The following PCOLCE2 variants were observed in gnomAD, a reference collection of about 807,000 sequenced individuals.
PCOLCE2 encodes the protein procollagen C-endopeptidase enhancer 2.
Under a neutral mutation model 47.0 loss-of-function variants are expected in PCOLCE2, and 42 were observed. That is an observed-to-expected ratio of 0.89 (90% CI 0.70 to 1.16). PCOLCE2 has a LOEUF of 1.16. PCOLCE2 is among the 50% of genes most tolerant of loss of function. The pLI is 0.00. For missense variants in PCOLCE2, 500 were observed against 526.1 expected (o/e 0.95, Z 0.49); for synonymous variants, 169 against 191.7 (o/e 0.88, Z 0.98).
chr3:142,846,913 T>C (rs1248086553), intron 3 of PCOLCE2, among the ~76,000 whole-genome samples: 1 of 152,262 alleles, frequency 6.6e-6, no homozygotes, highest in Non-Finnish European at 1.5e-5. Flanking sequence ...TAATAGCAGC[T>C]TTAAAGTACT....
At chr3:142,847,299 G>A (rs984045805) in intron 3 of PCOLCE2, among the ~76,000 whole-genome samples, 5 of 152,126 alleles carry the variant, frequency 3.3e-5, no homozygotes, top group Admixed American at 6.5e-5. Flanking sequence ...CCTCAATTCT[G>A]TAACTCCCTG....
Position 142,845,740 on chromosome 3 carries a change from G to A in PCOLCE2, c.448+2477C>T, listed in dbSNP as rs920863785. Among the ~76,000 whole-genome samples the A allele has an allele frequency of 5.3e-5, 8 of 152,296 alleles. No homozygotes were observed. The South Asian group carries it at 1.7e-3, about 32-fold the overall frequency. ...TGTAATCCTAACACTTTGGGAGGCCGAGGTGGGCAGATCAACCTGAGGTCA... is the reference window on the plus strand; with the variant it reads ...TGTAATCCTAACACTTTGGGAGGCCAAGGTGGGCAGATCAACCTGAGGTCA... On this transcript the variant is annotated intron_variant, in intron 3 of 8. Transcript: ENST00000295992.
Position 142,848,203 on chromosome 3 carries a change from T to C in PCOLCE2, c.448+14A>G, listed in dbSNP as rs372393471. The C allele has an allele frequency of 1.2e-6, 2 of 1,610,488 alleles. No individual in the cohort carries two copies. The highest frequency in any genetic ancestry group is 2.2e-5 in the East Asian group (1 of 44,786). On this transcript the variant is annotated intron_variant, in intron 3 of 8. Coordinates refer to ENST00000295992, the MANE Select transcript of PCOLCE2 (RefSeq NM_013363.4). ...AACATTACTGTTGTTATTGCCATTA[T>C]GTGGAAACAGTACCTCTTTCGTTTG...
In PCOLCE2 at chr3:142,829,724, T is replaced by C. The variant is rs151152154; in HGVS notation, c.833A>G (p.Gln278Arg). The C allele has an allele frequency of 4.7e-4, 748 of 1,602,098 alleles. 4 individuals carry two copies. The African/African-American group carries it at 9.2e-3, about 20-fold the overall frequency. The change falls in exon 6 of 9, where the codon CAG becomes CGG. Residue 278 changes from glutamine to arginine, a missense_variant. By Grantham distance (43) the Gln-to-Arg change is conservative. Coordinates refer to ENST00000295992, the MANE Select transcript of PCOLCE2 (RefSeq NM_013363.4). ...TACAGGGAATGTGGTGGTGACAGGC[T>C]GTTCTGTAGTTGTAGGCAGTTTTTT... The part of the protein sequence containing the change: ...RPKKLPTTTE[Q>R]PVTTTFPVTT...
chr3:142,837,023 C>T (rs1168987146), intron 5 of PCOLCE2, among the ~76,000 whole-genome samples: 1 of 152,108 alleles, frequency 6.6e-6, no homozygotes, highest in Non-Finnish European at 1.5e-5. Flanking sequence ...TCCTTTATTA[C>T]CTAGGTAGGC....
intron 2 of PCOLCE2, among the ~76,000 whole-genome samples, chr3:142,868,960 T>G (rs537183956): frequency 9.9e-5 from 15 of 152,270 alleles, no homozygotes; most frequent in Admixed American, 3.9e-4. Flanking sequence ...CCCTCCTCCC[T>G]TTGGAATCCA....
intron 3 of PCOLCE2, among the ~76,000 whole-genome samples, chr3:142,845,391 G>A (rs958058185): frequency 6.6e-6 from 1 of 152,076 alleles, no homozygotes; most frequent in Non-Finnish European, 1.5e-5. Flanking sequence ...CAGTGCTAAG[G>A]TTTTTTTGTT....
intron 5 of PCOLCE2, among the ~76,000 whole-genome samples, chr3:142,832,997 T>G (rs1029424639): frequency 6.6e-6 from 1 of 152,206 alleles, no homozygotes; most frequent in Non-Finnish European, 1.5e-5. Context: ...TGATGCTCAA[T>G]AGCCGCCGCC....
At chr3:142,840,041 G>A (rs1254862924) in intron 4 of PCOLCE2, among the ~76,000 whole-genome samples, 1 of 152,176 alleles carries the variant, frequency 6.6e-6, no homozygotes, top group Non-Finnish European at 1.5e-5. Context: ...GAGGGAAGGA[G>A]ACTGACATTT....
chr3:142,827,578 G>A (rs1578029667), intron 6 of PCOLCE2: 1 of 1,472,190 alleles, frequency 6.8e-7, no homozygotes, highest in South Asian at 1.1e-5. Context: ...CACTGCCAAT[G>A]TTGAGCTGGG....
At position 142,818,320 on chromosome 3, in the gene PCOLCE2, G is replaced by A. The variant is rs752891144; in HGVS notation, c.*15C>T. The A allele has an allele frequency of 3.4e-5, 54 of 1,610,792 alleles. No individual in the cohort carries two copies. Among genetic ancestry groups the A allele is most frequent in the Non-Finnish European group, 4.2e-5 (49 of 1,177,466 alleles). ...GGCAATGGCAGAATACAGCTTAAAT[G>A]GACACAGTTCACTGTTAACATTGCT... On this transcript the variant is annotated 3_prime_UTR_variant, in exon 9 of 9. Transcript: ENST00000295992.
At chr3:142,821,643 G>A (rs535708107) in intron 7 of PCOLCE2, among the ~76,000 whole-genome samples, 31 of 151,248 alleles carry the variant, frequency 2.0e-4, no homozygotes, top group African/African-American at 6.3e-4. Flanking sequence ...TATCCACTCC[G>A]TTTATTTCAT....
intron 8 of PCOLCE2, among the ~76,000 whole-genome samples, chr3:142,818,985 C>T (rs896472001): frequency 6.6e-6 from 1 of 152,206 alleles, no homozygotes; most frequent in African/African-American, 2.4e-5. Context: ...CCTCAGATGG[C>T]TTCTCAGTCC....
At chr3:142,875,566 T>C (rs1933481262) in intron 2 of PCOLCE2, among the ~76,000 whole-genome samples, 1 of 152,174 alleles carries the variant, frequency 6.6e-6, no homozygotes, top group African/African-American at 2.4e-5. Context: ...GATGAATGTA[T>C]AAATGAAATG....
At chr3:142,869,294 A>AC (rs1933339573) in intron 2 of PCOLCE2, among the ~76,000 whole-genome samples, 2 of 152,102 alleles carry the variant, frequency 1.3e-5, no homozygotes, top group Non-Finnish European at 2.9e-5. Flanking sequence ...CTGTCTCAAA[A>AC]AAAAAAACCA....
At chr3:142,828,913 G>C (rs904831448) in intron 6 of PCOLCE2, among the ~76,000 whole-genome samples, 8 of 152,216 alleles carry the variant, frequency 5.3e-5, no homozygotes, top group Admixed American at 2.0e-4. Flanking sequence ...GGAAACGTTA[G>C]ACCCAGAGGC....
intron 2 of PCOLCE2, among the ~76,000 whole-genome samples, chr3:142,867,214 C>A (rs1455263378): frequency 6.6e-6 from 1 of 152,156 alleles, no homozygotes; most frequent in Non-Finnish European, 1.5e-5. Flanking sequence ...CTGTTCTCTT[C>A]TTTCTTGCCT....
chr3:142,827,220 G>A (rs1204007859), intron 6 of PCOLCE2: 1 of 1,235,330 alleles, frequency 8.1e-7, no homozygotes, highest in Non-Finnish European at 1.2e-6. Context: ...CCGATGTGCT[G>A]GTGGTTGCCA....
chr3:142,827,272 T>C, intron 6 of PCOLCE2: 3 of 1,264,584 alleles, frequency 2.4e-6, no homozygotes, highest in Non-Finnish European at 3.5e-6. Context: ...CCACATCCCA[T>C]ACTCGTGGCC....
Sources: gnomAD v4.1 joint callset for allele counts (sites outside exome capture counted in the v4.1 genomes callset) on GRCh38, gnomAD v4.1.1 for gene constraint, MANE v1.5 for transcripts, NCBI Gene and HGNC (gene_info 2026-07-23, HGNC 2026-07-21) for gene names.